WWOX: variants seen among roughly 807,000 people sequenced by gnomAD.
The protein encoded by WWOX is WW domain-containing oxidoreductase.
WWOX carries 69 observed loss-of-function variants against 46.2 expected under a neutral mutation model. That is an observed-to-expected ratio of 1.49 (90% CI 1.23 to 1.82). The LOEUF (loss-of-function observed/expected upper bound fraction) is 1.82. Ranked by LOEUF, WWOX falls within the 40% of genes most tolerant of loss-of-function variation. The pLI, the probability that WWOX is intolerant of heterozygous loss-of-function variation, is 0.00. For synonymous variants in WWOX, 359 were observed against 202.6 expected (o/e 1.77, Z -6.56); for missense variants, 919 against 542.6 (o/e 1.69, Z -6.89).
intron 8 of WWOX, among the ~76,000 whole-genome samples, chr16:78,968,125 CGCGTGGTCCGTGTG>C (rs1378666759): frequency 0.039 from 305 of 7,782 alleles, 1 homozygote; most frequent in African/African-American, 0.073. Context: ...CGTGGCACAG[CGCGTGGTCCGTGTG>C]GCACAGCGCG....
chr16:78,419,079 T>C (rs8060852), intron 6 of WWOX, among the ~76,000 whole-genome samples: 4,823 of 152,238 alleles, frequency 0.032, 196 homozygotes, highest in African/African-American at 0.087. Flanking sequence ...AATATTAAAA[T>C]GAACAGGTTC....
chr16:78,329,616 G>C (rs2080710765), intron 5 of WWOX, among the ~76,000 whole-genome samples: 1 of 152,176 alleles, frequency 6.6e-6, no homozygotes, highest in Non-Finnish European at 1.5e-5. Flanking sequence ...GTAAAATATA[G>C]CAGTTTCCTG....
chr16:78,866,078 G>A (rs763363608), intron 8 of WWOX, among the ~76,000 whole-genome samples: 1 of 152,276 alleles, frequency 6.6e-6, no homozygotes, highest in East Asian at 1.9e-4. Context: ...ATTCTAGTTG[G>A]AAATGTTAAG....
chr16:78,955,970 A>AAAAAAAC (rs889759586), intron 8 of WWOX, among the ~76,000 whole-genome samples: 1 of 151,510 alleles, frequency 6.6e-6, no homozygotes, highest in Non-Finnish European at 1.5e-5. Context: ...TTCACTTTAG[A>AAAAAAAC]AAAAAACAAA....
At chr16:78,121,948 G>A (rs1302505648) in intron 4 of WWOX, among the ~76,000 whole-genome samples, 3 of 152,040 alleles carry the variant, frequency 2.0e-5, no homozygotes, top group African/African-American at 4.8e-5. Context: ...GGTGTGAACC[G>A]CTGTGCCTGG....
At chr16:79,157,917 C>G (rs995353683) in intron 8 of WWOX, among the ~76,000 whole-genome samples, 1 of 152,160 alleles carries the variant, frequency 6.6e-6, no homozygotes, top group Admixed American at 6.5e-5. Context: ...TTTCTGGTAC[C>G]TGGCCCTGGG....
chr16:78,291,547 T>G (rs2079857607), intron 5 of WWOX, among the ~76,000 whole-genome samples: 1 of 152,148 alleles, frequency 6.6e-6, no homozygotes, highest in Non-Finnish European at 1.5e-5. Context: ...AGGTTTCTTA[T>G]TATTTCGGTC....
chr16:79,190,518 T>G (rs2051113952), intron 8 of WWOX, among the ~76,000 whole-genome samples: 1 of 152,180 alleles, frequency 6.6e-6, no homozygotes, highest in Non-Finnish European at 1.5e-5. Context: ...TCACACCCTC[T>G]GGCTCCACTG....
intron 8 of WWOX, among the ~76,000 whole-genome samples, chr16:79,090,280 C>CGTGTGTGTGTGTGT (rs61538157): frequency 7.2e-5 from 10 of 138,378 alleles, no homozygotes; most frequent in African/African-American, 2.1e-4. Flanking sequence ...CTACTGTGTG[C>CGTGTGTGTGTGTGT]GTGTGTGTGT....
rs1250314773 is a variant in WWOX, at chr16:78,339,453, C to T, written c.517-47407C>T. On this transcript the variant is annotated intron_variant, in intron 5 of 8. Coordinates refer to ENST00000566780, the MANE Select transcript of WWOX (RefSeq NM_016373.4). ...CCTTTTTGCTTGGTGCACAGGAATACTTGGTGATGTTCTTTTTAAAACTGC... is the reference window on the plus strand; with the variant it reads ...CCTTTTTGCTTGGTGCACAGGAATATTTGGTGATGTTCTTTTTAAAACTGC... Among the ~76,000 whole-genome samples, 3 of 117,926 alleles carry T rather than the reference C, an allele frequency of 2.5e-5. 1 individual carries two copies. Among genetic ancestry groups the T allele is most frequent in the African/African-American group, 8.6e-5 (3 of 34,838 alleles). 77.4% of individuals were successfully genotyped at this position (117,926 alleles called of 152,430 possible).
At chr16:78,618,952 C>T (rs1258835325) in intron 8 of WWOX, among the ~76,000 whole-genome samples, 1 of 149,906 alleles carries the variant, frequency 6.7e-6, no homozygotes, top group African/African-American at 2.5e-5. Flanking sequence ...GCTGCAAGAA[C>T]AAAGACTTTA....
At chr16:79,062,172 A>T (rs1057189000) in intron 8 of WWOX, among the ~76,000 whole-genome samples, 1 of 152,196 alleles carries the variant, frequency 6.6e-6, no homozygotes, top group Admixed American at 6.5e-5. Context: ...CCCAGACTCA[A>T]GGTTGGGGAG....
chr16:78,913,421 A>T (rs948982371), intron 8 of WWOX, among the ~76,000 whole-genome samples: 1 of 151,814 alleles, frequency 6.6e-6, no homozygotes, highest in African/African-American at 2.4e-5. Flanking sequence ...GACCTGTAAA[A>T]ACCTGTCTTG....
At chr16:78,132,291 G>A (rs942588690) in intron 4 of WWOX, among the ~76,000 whole-genome samples, 2 of 152,024 alleles carry the variant, frequency 1.3e-5, no homozygotes, top group African/African-American at 4.8e-5. Flanking sequence ...CTCCCAAAGT[G>A]CTGGGATTAC....
chr16:78,598,976 C>T (rs1369861015), intron 8 of WWOX, among the ~76,000 whole-genome samples: 1 of 152,174 alleles, frequency 6.6e-6, no homozygotes, highest in Non-Finnish European at 1.5e-5. Context: ...ACTTAGGCAA[C>T]CAGTAAGTGG....
intron 8 of WWOX, among the ~76,000 whole-genome samples, chr16:78,783,127 C>A (rs967809044): frequency 1.3e-5 from 2 of 152,114 alleles, no homozygotes; most frequent in African/African-American, 2.4e-5. Flanking sequence ...CAGGAAAAAC[C>A]AAAACAAAAC....
intron 5 of WWOX, among the ~76,000 whole-genome samples, chr16:78,281,281 C>G (rs2079674034): frequency 6.6e-6 from 1 of 152,176 alleles, no homozygotes; most frequent in Non-Finnish European, 1.5e-5. Flanking sequence ...TCAAATACCT[C>G]CCATTACGGA....
intron 8 of WWOX, chr16:78,898,353 C>G (rs1048183199): frequency 2.6e-5 from 4 of 152,108 alleles, no homozygotes; most frequent in Non-Finnish European, 5.9e-5. Flanking sequence ...TTATTTTTCT[C>G]TCCATAAGAC....
At chr16:79,205,017 C>T (rs1211166298) in intron 8 of WWOX, 1 of 152,178 alleles carries the variant, frequency 6.6e-6, no homozygotes, top group Middle Eastern at 3.2e-3. Context: ...TATGACACTT[C>T]CTTCTAGCCA....
Sources: allele counts gnomAD v4.1 joint callset (sites outside exome capture counted in the v4.1 genomes callset), GRCh38; gene constraint gnomAD v4.1.1; transcripts MANE v1.5; gene names NCBI Gene and HGNC (gene_info 2026-07-23, HGNC 2026-07-21).